RAPGEF5: variants seen among roughly 807,000 people sequenced by gnomAD.
RAPGEF5 encodes M-Ras-regulated GEF.
In RAPGEF5, 65 loss-of-function variants were observed where a neutral mutation model predicts 125.2. That is an observed-to-expected ratio of 0.52 (90% CI 0.43 to 0.64). The LOEUF (loss-of-function observed/expected upper bound fraction) is 0.64, where lower values mean the gene tolerates loss of function less well. RAPGEF5 is among the 30% of genes least tolerant of loss of function. The pLI is 0.00. For synonymous variants in RAPGEF5, 391 were observed against 385.9 expected (o/e 1.01, Z -0.16); for missense variants, 958 against 1,048.1 (o/e 0.91, Z 1.19).
At chr7:22,356,620 G>A (rs1190420633) in intron 1 of RAPGEF5, 1 of 206,540 alleles carries the variant, frequency 4.8e-6, no homozygotes, top group Non-Finnish European at 9.5e-6. Flanking sequence ...GCCTGGTGGG[G>A]GGGAGGTGTG....
At chr7:22,241,974 G>T (rs1269934830) in intron 7 of RAPGEF5, among the ~76,000 whole-genome samples, 2 of 152,078 alleles carry the variant, frequency 1.3e-5, no homozygotes, top group African/African-American at 4.8e-5. Flanking sequence ...TAAGTTGCAG[G>T]CTCCTCCCCT....
chr7:22,223,559 G>C (rs1334194432), intron 8 of RAPGEF5, among the ~76,000 whole-genome samples: 1 of 152,108 alleles, frequency 6.6e-6, no homozygotes, highest in East Asian at 1.9e-4. Context: ...ACCTTTATTA[G>C]AATTCCAGTA....
intron 6 of RAPGEF5, among the ~76,000 whole-genome samples, chr7:22,289,472 C>T (rs1047011854): frequency 3.3e-5 from 5 of 152,176 alleles, no homozygotes; most frequent in African/African-American, 9.7e-5. Context: ...TTGTACAGTA[C>T]AGCTTAGCAG....
chr7:22,159,706 G>C (rs1783922292), intron 14 of RAPGEF5, among the ~76,000 whole-genome samples: 1 of 152,188 alleles, frequency 6.6e-6, no homozygotes, highest in African/African-American at 2.4e-5. Context: ...ATTAATGACA[G>C]ATACCTAGGG....
chr7:22,311,755 A>C (rs1017132350), intron 3 of RAPGEF5, among the ~76,000 whole-genome samples: 4 of 152,358 alleles, frequency 2.6e-5, no homozygotes, highest in Admixed American at 2.6e-4. Flanking sequence ...GATGGCAATA[A>C]AACAGGCAAT....
At chr7:22,241,798 T>C (rs914635685) in intron 7 of RAPGEF5, among the ~76,000 whole-genome samples, 34 of 152,304 alleles carry the variant, frequency 2.2e-4, no homozygotes, top group African/African-American at 8.2e-4. Context: ...AGATAAGGAA[T>C]ATAAAAACAA....
In RAPGEF5 at chr7:22,284,103, C is replaced by A. The variant is rs565250735; in HGVS notation, c.747+7072G>T. Among the ~76,000 whole-genome samples, 93 of 149,380 alleles carry A rather than the reference C, an allele frequency of 6.2e-4. 2 individuals carry two copies. Among genetic ancestry groups the A allele is most frequent in the East Asian group, 4.1e-3 (21 of 5,138 alleles). On this transcript the variant is annotated intron_variant, in intron 6 of 25. Coordinates refer to ENST00000665637, the MANE Select transcript of RAPGEF5 (RefSeq NM_012294.5). Reference sequence around the variant, plus strand: ...TGTGTGTGTGTGCGCGTGCATGTGGCAACCTGTATATTATGGTATTTGGGG... The same window carrying A: ...TGTGTGTGTGTGCGCGTGCATGTGGAAACCTGTATATTATGGTATTTGGGG...
At chr7:22,184,560 C>T (rs927687375) in intron 11 of RAPGEF5, among the ~76,000 whole-genome samples, 1 of 152,188 alleles carries the variant, frequency 6.6e-6, no homozygotes, top group African/African-American at 2.4e-5. Flanking sequence ...GTATGCTATA[C>T]TCCTATTAAA....
intron 23 of RAPGEF5, among the ~76,000 whole-genome samples, chr7:22,134,175 C>T (rs1783008310): frequency 6.6e-6 from 1 of 152,144 alleles, no homozygotes; most frequent in Non-Finnish European, 1.5e-5. Flanking sequence ...AATGTCTCAT[C>T]TTAGGCATAA....
chr7:22,345,719 T>G (rs923800522), intron 1 of RAPGEF5, among the ~76,000 whole-genome samples: 3 of 135,066 alleles, frequency 2.2e-5, no homozygotes, highest in African/African-American at 5.7e-5. Flanking sequence ...TTTTTTTTTT[T>G]AGAGAGTTAT....
intron 21 of RAPGEF5, among the ~76,000 whole-genome samples, chr7:22,138,442 G>A (rs1783150009): frequency 6.6e-6 from 1 of 152,174 alleles, no homozygotes; most frequent in Non-Finnish European, 1.5e-5. Flanking sequence ...CCTCTGATCT[G>A]TTTCTTTTCC....
At chr7:22,316,486 TA>T (rs1297849973) in intron 2 of RAPGEF5, among the ~76,000 whole-genome samples, 2,429 of 27,818 alleles carry the variant, frequency 0.087, 135 homozygotes, top group African/African-American at 0.23. Flanking sequence ...TATATATATA[TA>T]TATTTTTTTT....
chr7:22,284,088 T>TGTGTGTGC (rs4000939), intron 6 of RAPGEF5, among the ~76,000 whole-genome samples: 46 of 151,452 alleles, frequency 3.0e-4, no homozygotes, highest in East Asian at 1.6e-3. Context: ...TGTGTGTGTG[T>TGTGTGTGC]GCGCGTGCAT....
chr7:22,321,528 G>C (rs1378819678), intron 1 of RAPGEF5, among the ~76,000 whole-genome samples: 1 of 152,150 alleles, frequency 6.6e-6, no homozygotes, highest in Non-Finnish European at 1.5e-5. Flanking sequence ...AAAGTACTTA[G>C]GCTACTAAGG....
chr7:22,238,332 A>C (rs149305968), intron 7 of RAPGEF5, among the ~76,000 whole-genome samples: 1 of 152,358 alleles, frequency 6.6e-6, no homozygotes, highest in East Asian at 1.9e-4. Context: ...TACTTTAAAA[A>C]TTATTTTGTA....
intron 7 of RAPGEF5, among the ~76,000 whole-genome samples, chr7:22,260,651 A>G (rs1782133366): frequency 6.6e-6 from 1 of 152,134 alleles, no homozygotes; most frequent in Non-Finnish European, 1.5e-5. Flanking sequence ...GATACCCTAT[A>G]TTCATTGATA....
chr7:22,306,579 C>T (rs1783347221), intron 5 of RAPGEF5, among the ~76,000 whole-genome samples: 1 of 152,092 alleles, frequency 6.6e-6, no homozygotes, highest in African/African-American at 2.4e-5. Context: ...TAATGTGATC[C>T]CATTTGTCCA....
Position 22,141,022 on chromosome 7 carries a change from C to G in RAPGEF5, c.2187-907G>C, listed in dbSNP as rs973405368. Among the ~76,000 whole-genome samples the G allele has an allele frequency of 3.9e-5, 6 of 152,312 alleles. No individual in the cohort carries two copies. The East Asian group carries it at 1.2e-3, about 29-fold the overall frequency. On this transcript the variant is annotated intron_variant, in intron 20 of 25. Coordinates refer to ENST00000665637, the MANE Select transcript of RAPGEF5 (RefSeq NM_012294.5). ...GCCTTGTGATGTTTGTTTAGCTTCC[C>G]TCAGATGCCATCCCTTCTGACCTCT... is the stretch of plus-strand genomic sequence containing the variant.
At chr7:22,228,328 T>C (rs530483111) in intron 8 of RAPGEF5, among the ~76,000 whole-genome samples, 1 of 152,238 alleles carries the variant, frequency 6.6e-6, no homozygotes, top group South Asian at 2.1e-4. Context: ...AATTAAACTA[T>C]CTATCCTGGA....
Sources: allele counts gnomAD v4.1 joint callset (sites outside exome capture counted in the v4.1 genomes callset), GRCh38; gene constraint gnomAD v4.1.1; transcripts MANE v1.5; gene names NCBI Gene and HGNC (gene_info 2026-07-23, HGNC 2026-07-21).